SMIM10L2A: variants seen among roughly 807,000 people sequenced by gnomAD.
The protein encoded by SMIM10L2A is small integral membrane protein 10 like 2A.
Under a neutral mutation model 3.0 loss-of-function variants are expected in SMIM10L2A, and 2 were observed. That is an observed-to-expected ratio of 0.66 (90% CI 0.27 to 2.08). The LOEUF (loss-of-function observed/expected upper bound fraction) is 2.08, where lower values mean the gene tolerates loss of function less well. SMIM10L2A is among the 30% of genes most tolerant of loss of function. The probability of loss-of-function intolerance (pLI) is 0.14; values close to 1 mark genes in which losing one functional copy is unlikely to be tolerated. For missense variants in SMIM10L2A, 59 were observed against 66.5 expected (o/e 0.89, Z 0.39); for synonymous variants, 29 against 34.8 (o/e 0.83, Z 0.58).
At chrX:135,423,585 T>C (rs1254035392) in intron 1 of SMIM10L2A, 48 bp from the exon 2 acceptor site, 1 of 113,809 alleles carries the variant, frequency 8.8e-6, no homozygotes, top group East Asian at 2.8e-4. Context: ...CAAGGACGTG[T>C]CTGGTGGCCA....
Position 135,422,170 on chromosome X carries a change from G to A in SMIM10L2A, c.39G>A (p.Ala13=), listed in dbSNP as rs1602712910. The A allele has an allele frequency of 3.7e-6, 3 of 818,733 alleles. No homozygotes were observed. The highest frequency in any genetic ancestry group is 4.9e-6 in the Non-Finnish European group (3 of 607,413). 67.5% of individuals were successfully genotyped at this position (818,733 alleles called of 1,213,427 possible). Residue 13 remains alanine (A), a synonymous_variant, in exon 1 of 2, where the codon GCG becomes GCA. Coordinates refer to ENST00000417443, the MANE Select transcript of SMIM10L2A (RefSeq NM_203306.3). ...ASAALSAAAA[A]AALSGLAVRL... ...CGGCTCTGTCTGCAGCGGCGGCTGC[G>A]GCGGCCCTGTCTGGCCTGGCGGTGC...
chrX:135,424,060 G>C lies in SMIM10L2A; in HGVS notation c.*790G>C, dbSNP rs2085142553. On this transcript the variant is annotated 3_prime_UTR_variant, in exon 2 of 2. Transcript: ENST00000417443. ...TTCTTCAAGACCTGGCATGGTGGGA[G>C]GAGGGAGGGGGAAGTGGAGAGGGGA... The C allele has an allele frequency of 8.9e-6, 1 of 112,154 alleles. No homozygotes were observed. Among genetic ancestry groups the C allele is most frequent in the African/African-American group, 3.2e-5 (1 of 30,791 alleles). 9.2% of individuals were successfully genotyped at this position (112,154 alleles called of 1,213,427 possible).
At position 135,425,384 on chromosome X, in the gene SMIM10L2A, T is replaced by C. The variant is rs1274081757; in HGVS notation, c.*2114T>C. On this transcript the variant is annotated 3_prime_UTR_variant, in exon 2 of 2. Transcript: ENST00000417443. ...CCAGTGGCTTCTGGTGTGGCCGTAT[T>C]GGCCTAGAGGGGCTGACTGGGGAGG... The C allele has an allele frequency of 1.8e-5, 2 of 111,954 alleles. No individual in the cohort carries two copies. Among genetic ancestry groups the C allele is most frequent in the African/African-American group, 3.3e-5 (1 of 30,700 alleles). The allele number at this position is 111,954 out of a possible 1,213,427, so 9.2% of individuals were successfully genotyped here.
In SMIM10L2A at chrX:135,422,202, C is replaced by G; in HGVS notation, c.71C>G (p.Ser24Trp). The change falls in exon 1 of 2, where the codon TCG (serine) becomes TGG (tryptophan). Residue 24 changes from serine to tryptophan, a missense_variant. Ser to Trp is a radical substitution (Grantham distance 177, BLOSUM62 -3). Coordinates refer to ENST00000417443, the MANE Select transcript of SMIM10L2A (RefSeq NM_203306.3). ...AALSGLAVRL[S>W]RSAAARGSYG... ...CTGTCTGGCCTGGCGGTGCGGCTGT[C>G]GCGCTCAGCTGCGGCCCGAGGCTCG... 6 of 991,531 alleles carry G rather than the reference C, an allele frequency of 6.1e-6. No homozygotes were observed. Among genetic ancestry groups the G allele is most frequent in the Non-Finnish European group, 8.0e-6 (6 of 750,114 alleles). 81.7% of individuals were successfully genotyped at this position (991,531 alleles called of 1,213,427 possible).
Position 135,424,530 on chromosome X carries a change from G to A in SMIM10L2A, c.*1260G>A, listed in dbSNP as rs1366352268. 1.1e-4 allele frequency: 12 copies of A among 111,340 alleles called. No individual in the cohort carries two copies. Among genetic ancestry groups the A allele is most frequent in the African/African-American group, 3.3e-4 (10 of 30,488 alleles). The allele number at this position is 111,340 out of a possible 1,213,427, so 9.2% of individuals were successfully genotyped here. A position where few individuals can be genotyped will look rare whatever the true frequency, so the allele number is the denominator to read the frequency against. On this transcript the variant is annotated 3_prime_UTR_variant, in exon 2 of 2. Transcript: ENST00000417443. ...TCCTCACGGCTTGGATTGCTCCTGG[G>A]GGCCCCCTGGTGTGCTGCTAACTGG...
rs1363272623 is a variant in SMIM10L2A at position 135,427,400 on chromosome X, TCTTC to T, written c.*4136_*4139del. The T allele has an allele frequency of 8.9e-6, 1 of 111,990 alleles. No homozygotes were observed. The highest frequency in any genetic ancestry group is 3.3e-5 in the African/African-American group (1 of 30,751). The allele number at this position is 111,990 out of a possible 1,213,427, so 9.2% of individuals were successfully genotyped here. ...GGCCACCCTGAGATGGGTCTACCTG[TCTTC>T]CTTCCATTCCACCTCCAGAGATTGA... On this transcript the variant is annotated 3_prime_UTR_variant, in exon 2 of 2. Transcript: ENST00000417443.
rs1249648810 is a variant in SMIM10L2A at position 135,424,732 on chromosome X, T to C, written c.*1462T>C. Reference sequence around the variant, plus strand: ...GGGACAGAGTGGCCCAGCCACCTACTATGTACCCTCCTCAGCTGCCCACTG... The same window carrying C: ...GGGACAGAGTGGCCCAGCCACCTACCATGTACCCTCCTCAGCTGCCCACTG... On this transcript the variant is annotated 3_prime_UTR_variant, in exon 2 of 2. Coordinates refer to ENST00000417443, the MANE Select transcript of SMIM10L2A (RefSeq NM_203306.3). The C allele has an allele frequency of 8.0e-5, 9 of 112,048 alleles. No homozygotes were observed. Among genetic ancestry groups the C allele is most frequent in the African/African-American group, 2.9e-4 (9 of 30,731 alleles). 9.2% of individuals were successfully genotyped at this position (112,048 alleles called of 1,213,427 possible).
At position 135,427,101 on chromosome X, in the gene SMIM10L2A, A is replaced by G. The variant is rs1183973831; in HGVS notation, c.*3831A>G. ...GCTTTGCATTCCTAATCTCATCATT[A>G]TCACACAACCACCTAACCATTATCC... On this transcript the variant is annotated 3_prime_UTR_variant, in exon 2 of 2. Transcript: ENST00000417443. The G allele has an allele frequency of 8.9e-6, 1 of 112,601 alleles. No homozygotes were observed. The highest frequency in any genetic ancestry group is 1.9e-5 in the Non-Finnish European group (1 of 53,313). 9.3% of individuals were successfully genotyped at this position (112,601 alleles called of 1,213,427 possible). A position where few individuals can be genotyped will look rare whatever the true frequency, so the allele number is the denominator to read the frequency against.
At position 135,424,253 on chromosome X, in the gene SMIM10L2A, G is replaced by T. The variant is rs1411758760; in HGVS notation, c.*983G>T. On this transcript the variant is annotated 3_prime_UTR_variant, in exon 2 of 2. Transcript: ENST00000417443. ...CCCAGGACCCCTGGGGAGCCAAGCT[G>T]TCCCCCACATCCTAGCCTCTCACCC... 1 of 110,994 alleles carries T rather than the reference G, an allele frequency of 9.0e-6. No individual in the cohort carries two copies. The highest frequency in any genetic ancestry group is 1.9e-5 in the Non-Finnish European group (1 of 52,746). The allele number at this position is 110,994 out of a possible 1,213,427, so 9.1% of individuals were successfully genotyped here.
rs2085154893 is a variant in SMIM10L2A, at chrX:135,426,867, A to G, written c.*3597A>G. The G allele has an allele frequency of 8.9e-6, 1 of 112,937 alleles. No individual in the cohort carries two copies. Among genetic ancestry groups the G allele is most frequent in the Non-Finnish European group, 1.9e-5 (1 of 53,333 alleles). The allele number at this position is 112,937 out of a possible 1,213,427, so 9.3% of individuals were successfully genotyped here. A position where few individuals can be genotyped will look rare whatever the true frequency, so the allele number is the denominator to read the frequency against. On this transcript the variant is annotated 3_prime_UTR_variant, in exon 2 of 2. Transcript: ENST00000417443. ...CCTGAGCCCAGCTCTTCCACTTACT[A>G]CTGTGTGGTGCCAGGCAAGCTGTGC...
chrX:135,422,821 G>C (rs2085137070), intron 1 of SMIM10L2A, 91 bp downstream of exon 1: 1 of 112,957 alleles, frequency 8.9e-6, no homozygotes, highest in Non-Finnish European at 1.9e-5. Context: ...AGTATGGAAG[G>C]CACCGGGGCA....
Position 135,422,425 on chromosome X carries a change from G to T in SMIM10L2A, c.*57G>T, listed in dbSNP as rs2085134886. 1 of 335,777 alleles carries T rather than the reference G, an allele frequency of 3.0e-6. No homozygotes were observed. The highest frequency in any genetic ancestry group is 2.7e-5 in the African/African-American group (1 of 37,035). 27.7% of individuals were successfully genotyped at this position (335,777 alleles called of 1,213,427 possible). ...TGAAGGGGCGCCCGTGTCCCCGCCC[G>T]CCCCCGGCCGGGTCGCCGGCATGAA... is the stretch of plus-strand genomic sequence containing the variant. On this transcript the variant is annotated 3_prime_UTR_variant, in exon 1 of 2. Coordinates refer to ENST00000417443, the MANE Select transcript of SMIM10L2A (RefSeq NM_203306.3).
rs1194656191 is a variant in SMIM10L2A, at chrX:135,424,049, G to C, written c.*779G>C. On this transcript the variant is annotated 3_prime_UTR_variant, in exon 2 of 2. Transcript: ENST00000417443. ...CCTCCCCAGTCTTCTTCAAGACCTG[G>C]CATGGTGGGAGGAGGGAGGGGGAAG... 1 of 112,197 alleles carries C rather than the reference G, an allele frequency of 8.9e-6. No individual in the cohort carries two copies. Among genetic ancestry groups the C allele is most frequent in the Non-Finnish European group, 1.9e-5 (1 of 53,108 alleles). 9.2% of individuals were successfully genotyped at this position (112,197 alleles called of 1,213,427 possible). A position where few individuals can be genotyped will look rare whatever the true frequency, so the allele number is the denominator to read the frequency against.
Position 135,427,768 on chromosome X carries a change from CTTT to C in SMIM10L2A, c.*4499_*4501del, listed in dbSNP as rs2085158203. The C allele has an allele frequency of 8.9e-6, 1 of 112,234 alleles. No homozygotes were observed. Among genetic ancestry groups the C allele is most frequent in the African/African-American group, 3.2e-5 (1 of 30,822 alleles). The allele number at this position is 112,234 out of a possible 1,213,427, so 9.2% of individuals were successfully genotyped here. A position where few individuals can be genotyped will look rare whatever the true frequency, so the allele number is the denominator to read the frequency against. On this transcript the variant is annotated 3_prime_UTR_variant, in exon 2 of 2. Coordinates refer to ENST00000417443, the MANE Select transcript of SMIM10L2A (RefSeq NM_203306.3). ...GTTTCATCATGTATCCCCCAGTGCC[CTTT>C]GGTTGTTTTTCTTTGTTGTCATTTA...
Position 135,424,646 on chromosome X carries a change from AC to A in SMIM10L2A, c.*1380del, listed in dbSNP as rs1343165395. ...CCATTTCCGCATCTCTTGCACTGGT[AC>A]CCCGGGCGCCACGTTCTCAGTTCCT... is the stretch of plus-strand genomic sequence containing the variant. On this transcript the variant is annotated 3_prime_UTR_variant, in exon 2 of 2. Coordinates refer to ENST00000417443, the MANE Select transcript of SMIM10L2A (RefSeq NM_203306.3). The A allele has an allele frequency of 3.6e-5, 4 of 110,993 alleles. No individual in the cohort carries two copies. The highest frequency in any genetic ancestry group is 7.6e-5 in the Non-Finnish European group (4 of 52,881). The allele number at this position is 110,993 out of a possible 1,213,427, so 9.1% of individuals were successfully genotyped here.
In SMIM10L2A at chrX:135,422,155, TGCAGCGGCG is replaced by T. The variant is rs1313411931; in HGVS notation, c.27_35del (p.Ala13_Ala15del). The T allele has an allele frequency of 1.4e-6, 1 of 706,283 alleles. No homozygotes were observed. The highest frequency in any genetic ancestry group is 4.5e-5 in the East Asian group (1 of 22,164). The allele number at this position is 706,283 out of a possible 1,213,427, so 58.2% of individuals were successfully genotyped here. ...CCATGGCGGCGTCGGCGGCTCTGTC[TGCAGCGGCG>T]GCTGCGGCGGCCCTGTCTGGCCTGG... is the stretch of plus-strand genomic sequence containing the variant. On this transcript the variant is annotated inframe_deletion, in exon 1 of 2. Transcript: ENST00000417443.
intron 1 of SMIM10L2A, 84 bp downstream of exon 1, chrX:135,422,814 A>G (rs1325334170): frequency 8.9e-6 from 1 of 112,921 alleles, no homozygotes; most frequent in East Asian, 2.8e-4. Flanking sequence ...AGGGGGAAGT[A>G]TGGAAGGCAC....
In SMIM10L2A at chrX:135,422,046, G is replaced by C. The variant is rs1328893695; in HGVS notation, c.-86G>C. 3.7e-6 allele frequency: 1 copy of C among 269,305 alleles called. No individual in the cohort carries two copies. Among genetic ancestry groups the C allele is most frequent in the African/African-American group, 2.9e-5 (1 of 35,042 alleles). 22.2% of individuals were successfully genotyped at this position (269,305 alleles called of 1,213,427 possible). The stretch of plus-strand genomic sequence containing the variant: ...GCCGCGGCTCTGGGCGACCCGCTGG[G>C]TGCACTAGTGCTCGGGTCCCACCGC... On this transcript the variant is annotated 5_prime_UTR_variant, in exon 1 of 2. Coordinates refer to ENST00000417443, the MANE Select transcript of SMIM10L2A (RefSeq NM_203306.3).
rs1444568514 is a variant in SMIM10L2A at position 135,425,573 on chromosome X, CA to C, written c.*2304del. 8.9e-6 allele frequency: 1 copy of C among 112,493 alleles called. No homozygotes were observed. The highest frequency in any genetic ancestry group is 1.9e-5 in the Non-Finnish European group (1 of 53,296). The allele number at this position is 112,493 out of a possible 1,213,427, so 9.3% of individuals were successfully genotyped here. A position where few individuals can be genotyped will look rare whatever the true frequency, so the allele number is the denominator to read the frequency against. On this transcript the variant is annotated 3_prime_UTR_variant, in exon 2 of 2. Transcript: ENST00000417443. Reference sequence around the variant, plus strand: ...GGTCTCCATGCGCTTTATTTATTTGCAGTCTGTTTTCTAGGCGGTGGAGCTA... The same window carrying C: ...GGTCTCCATGCGCTTTATTTATTTGCGTCTGTTTTCTAGGCGGTGGAGCTA...
Sources: gnomAD v4.1 joint callset for allele counts on GRCh38, gnomAD v4.1.1 for gene constraint, MANE v1.5 for transcripts, NCBI Gene and HGNC (gene_info 2026-07-23, HGNC 2026-07-21) for gene names.